The following PACRG variants were observed in gnomAD, a reference collection of about 807,000 sequenced individuals.
PACRG encodes the protein parkin coregulated gene protein.
Under a neutral mutation model 29.7 loss-of-function variants are expected in PACRG, and 29 were observed. The ratio of observed to expected loss-of-function variants is 0.98; its 90% CI spans 0.73 to 1.33. The LOEUF (loss-of-function observed/expected upper bound fraction) is 1.33, where lower values mean the gene tolerates loss of function less well. Among genes scored for constraint, PACRG ranks in the 40% most tolerant of loss-of-function variants. The pLI is 0.00. For synonymous variants in PACRG, 116 were observed against 118.7 expected (o/e 0.98, Z 0.15); for missense variants, 279 against 316.2 (o/e 0.88, Z 0.89).
chr6:163,072,193 T>G (rs1812126547), intron 3 of PACRG, among the ~76,000 whole-genome samples: 2 of 151,730 alleles, frequency 1.3e-5, no homozygotes, highest in Non-Finnish European at 2.9e-5. Flanking sequence ...TGGAAAATCC[T>G]CAACAAAATA....
chr6:162,753,896 T>C (rs1247884841), intron 1 of PACRG, among the ~76,000 whole-genome samples: 1 of 152,198 alleles, frequency 6.6e-6, no homozygotes. Context: ...GGTAGTTCTT[T>C]ATAGCAGTGT....
At chr6:163,078,354 T>A (rs1363606761) in intron 3 of PACRG, among the ~76,000 whole-genome samples, 2 of 152,022 alleles carry the variant, frequency 1.3e-5, no homozygotes, top group East Asian at 3.9e-4. Flanking sequence ...GATACAAAAA[T>A]TAGCCAGGCA....
chr6:162,838,078 G>C (rs1584498806), intron 2 of PACRG, among the ~76,000 whole-genome samples: 1 of 152,134 alleles, frequency 6.6e-6, no homozygotes, highest in Admixed American at 6.5e-5. Flanking sequence ...TGTTTTGGCA[G>C]ATTTTCTTCC....
intron 2 of PACRG, among the ~76,000 whole-genome samples, chr6:162,851,679 T>G (rs554742374): frequency 1.4e-4 from 21 of 152,286 alleles, no homozygotes; most frequent in Admixed American, 3.3e-4. Flanking sequence ...TGAAACTGTA[T>G]TTTCATTTCA....
At chr6:163,015,898 C>T (rs1012917533) in intron 2 of PACRG, among the ~76,000 whole-genome samples, 5 of 152,140 alleles carry the variant, frequency 3.3e-5, no homozygotes, top group South Asian at 2.1e-4. Flanking sequence ...CTAGAAATTA[C>T]ATTTTAATTG....
At chr6:163,165,977 A>C (rs919352574) in intron 4 of PACRG, 2 of 407,458 alleles carry the variant, frequency 4.9e-6, no homozygotes, top group Non-Finnish European at 9.8e-6. Context: ...TATGATTCTA[A>C]TATAATACAA....
chr6:163,195,262 G>A (rs1470097091), intron 4 of PACRG, among the ~76,000 whole-genome samples: 1 of 152,212 alleles, frequency 6.6e-6, no homozygotes, highest in Non-Finnish European at 1.5e-5. Context: ...CACTAATAAT[G>A]TTGGCTAATT....
chr6:163,258,615 G>A (rs936010621), intron 4 of PACRG, among the ~76,000 whole-genome samples: 1 of 152,044 alleles, frequency 6.6e-6, no homozygotes, highest in Non-Finnish European at 1.5e-5. Flanking sequence ...AAATTAGCCG[G>A]CAATGGTGGC....
At chr6:162,802,579 G>A (rs1375577301) in intron 1 of PACRG, among the ~76,000 whole-genome samples, 1 of 151,972 alleles carries the variant, frequency 6.6e-6, no homozygotes, top group Non-Finnish European at 1.5e-5. Context: ...ACCTCCTTCA[G>A]CAATCACACC....
chr6:162,895,846 G>A (rs898266079), intron 2 of PACRG, among the ~76,000 whole-genome samples: 24 of 152,098 alleles, frequency 1.6e-4, no homozygotes, highest in African/African-American at 5.6e-4. Flanking sequence ...TCACCTCCTC[G>A]GTGAATTCAC....
intron 2 of PACRG, among the ~76,000 whole-genome samples, chr6:162,958,896 G>GTT (rs1800359343): frequency 3.1e-5 from 1 of 32,452 alleles, no homozygotes. Context: ...GAGAGAGAGA[G>GTT]AGAGAGAGAG....
At chr6:162,920,952 A>T (rs1357717509) in intron 2 of PACRG, among the ~76,000 whole-genome samples, 1 of 152,214 alleles carries the variant, frequency 6.6e-6, no homozygotes, top group Non-Finnish European at 1.5e-5. Context: ...AGGCTTTCAT[A>T]AAAACAGTTA....
chr6:163,103,401 C>T (rs1815208838), intron 4 of PACRG, among the ~76,000 whole-genome samples: 1 of 152,142 alleles, frequency 6.6e-6, no homozygotes, highest in East Asian at 1.9e-4. Context: ...ACTCGGCCTC[C>T]CCTTCTGCCG....
intron 4 of PACRG, among the ~76,000 whole-genome samples, chr6:163,247,708 C>T (rs1025689304): frequency 2.0e-5 from 3 of 152,242 alleles, no homozygotes; most frequent in Admixed American, 6.5e-5. Flanking sequence ...CCATAACAAA[C>T]AATCTTTAAC....
intron 1 of PACRG, 125 bp downstream of exon 1, chr6:162,728,516 T>C: frequency 8.3e-7 from 1 of 1,200,914 alleles, no homozygotes; most frequent in Non-Finnish European, 1.2e-6. Context: ...AAAAAGGCAG[T>C]TACTTGGCAA....
intron 2 of PACRG, among the ~76,000 whole-genome samples, chr6:163,025,347 T>C (rs1013035584): frequency 5.3e-5 from 8 of 152,216 alleles, no homozygotes; most frequent in Non-Finnish European, 1.5e-5. Flanking sequence ...ATAAAGACTC[T>C]GCTAAAAGGC....
Position 162,902,410 on chromosome 6 carries a change from A to G in PACRG, c.291+88129A>G, listed in dbSNP as rs572681914. ...CTTAAAATACTATAGTTTACTTTCT[A>G]TGAATGACTGCAGAAATTTCAAGCA... On this transcript the variant is annotated intron_variant, in intron 2 of 4. Transcript: ENST00000366888. Among the ~76,000 whole-genome samples, 27 of 152,332 alleles carry G rather than the reference A, an allele frequency of 1.8e-4. No individual in the cohort carries two copies. The East Asian group carries it at 2.9e-3, about 16-fold the overall frequency.
chr6:162,727,611 C>A, upstream of PACRG: 1 of 1,559,926 alleles, frequency 6.4e-7, no homozygotes, highest in Non-Finnish European at 8.7e-7. Flanking sequence ...TGGCGCCATA[C>A]CGGGGCGTGG....
intron 1 of PACRG, among the ~76,000 whole-genome samples, chr6:162,766,300 T>C (rs1057002202): frequency 6.6e-6 from 1 of 152,138 alleles, no homozygotes; most frequent in Non-Finnish European, 1.5e-5. Context: ...TGCAAGTGAG[T>C]GCATATGGTA....
Sources: allele counts gnomAD v4.1 joint callset (sites outside exome capture counted in the v4.1 genomes callset), GRCh38; gene constraint gnomAD v4.1.1; transcripts MANE v1.5; gene names NCBI Gene and HGNC (gene_info 2026-07-23, HGNC 2026-07-21).